DAG1: variants seen among roughly 807,000 people sequenced by gnomAD.
The protein encoded by DAG1 is dystroglycan 1 (dystrophin-associated glycoprotein 1).
In DAG1, 8 loss-of-function variants were observed where a neutral mutation model predicts 46.1. The ratio of observed to expected loss-of-function variants is 0.17; its 90% confidence interval spans 0.10 to 0.31. The LOEUF (loss-of-function observed/expected upper bound fraction) is 0.31. DAG1 is among the 10% of genes least tolerant of loss of function. DAG1 has a pLI of 1.00. For synonymous variants in DAG1, 495 were observed against 481.8 expected (o/e 1.03, Z -0.36); for missense variants, 1,003 against 1,189.9 (o/e 0.84, Z 2.31).
At chr3:49,470,206 G>A (rs1253958304), upstream of DAG1, 2 of 151,672 alleles carry the variant, frequency 1.3e-5, no homozygotes, top group Non-Finnish European at 2.9e-5. Context: ...TGCAACACTC[G>A]CGTGTCAGGC....
At chr3:49,488,829 C>G (rs898889498) in intron 1 of DAG1, 1 of 151,912 alleles carries the variant, frequency 6.6e-6, no homozygotes, top group Non-Finnish European at 1.5e-5. Flanking sequence ...GCCTTGAACT[C>G]CTGACCTTAT....
Position 49,532,708 on chromosome 3 carries a change from C to T in DAG1, c.2197C>T (p.Pro733Ser), listed in dbSNP as rs1257039785. Reference protein sequence around the residue: ...PPRRVPSEAPPTEVPDRDPEK... With the variant: ...PPRRVPSEAPSTEVPDRDPEK... ...CAGGAGAGTGCCCTCAGAGGCGCCG[C>T]CCACAGAAGTGCCTGACAGGGACCC... The change falls in exon 3 of 3, where the codon CCC (proline) becomes TCC (serine). Residue 733 changes from proline (P) to serine (S), a missense_variant. By Grantham distance (74) the Pro-to-Ser change is moderately conservative. Transcript: ENST00000308775. The surrounding 1 kb of genome is among the most constrained non-coding windows in gnomAD (Gnocchi z 5.4). 1 of 1,614,184 alleles carries T rather than the reference C, an allele frequency of 6.2e-7. No individual in the cohort carries two copies. Among genetic ancestry groups the T allele is most frequent in the Non-Finnish European group, 8.5e-7 (1 of 1,180,048 alleles).
Position 49,504,253 on chromosome 3 carries a change from C to T in DAG1, c.-116-6166C>T, listed in dbSNP as rs372364287. ...TGAAACTATATAGTATAGTATGTAA[C>T]CTTTTGGGGTTGGCTTTTTTTTTTC... On this transcript the variant is annotated intron_variant, in intron 1 of 2. Transcript: ENST00000308775. Among the ~76,000 whole-genome samples the T allele has an allele frequency of 1.3e-4, 18 of 134,804 alleles. No homozygotes were observed. The East Asian group carries it at 4.8e-3, about 36-fold the overall frequency. 88.4% of individuals were successfully genotyped at this position (134,804 alleles called of 152,430 possible).
In DAG1 at chr3:49,470,338, G is replaced by A. The variant is rs962203281; in HGVS notation, c.-212G>A. ...CCTCTTAGGCTTGGCGGTGGCGGCG[G>A]CGGCAGCTTCGCGCCGAATCCCCGG... On this transcript the variant is annotated 5_prime_UTR_variant, in exon 1 of 3. Coordinates refer to ENST00000308775, the MANE Select transcript of DAG1 (RefSeq NM_004393.6). The A allele has an allele frequency of 1.3e-5, 2 of 152,590 alleles. No homozygotes were observed. Among genetic ancestry groups the A allele is most frequent in the Non-Finnish European group, 2.9e-5 (2 of 68,442 alleles). 9.5% of individuals were successfully genotyped at this position (152,590 alleles called of 1,614,324 possible).
chr3:49,497,228 G>C (rs1211309453), intron 1 of DAG1, among the ~76,000 whole-genome samples: 1 of 151,978 alleles, frequency 6.6e-6, no homozygotes, highest in Non-Finnish European at 1.5e-5. Flanking sequence ...CCTGAGATCA[G>C]GAGTTCAAGA....
At chr3:49,505,954 G>A (rs2107592699) in intron 1 of DAG1, among the ~76,000 whole-genome samples, 1 of 148,324 alleles carries the variant, frequency 6.7e-6, no homozygotes, top group South Asian at 2.1e-4. Context: ...ACAGGCGTGA[G>A]CCACCACGCC....
At chr3:49,471,846 G>A (rs1348600371) in intron 1 of DAG1, among the ~76,000 whole-genome samples, 1 of 152,198 alleles carries the variant, frequency 6.6e-6, no homozygotes, top group African/African-American at 2.4e-5. Context: ...CAGTTTAGGG[G>A]GCAGTGGGGA....
intron 1 of DAG1, chr3:49,487,385 A>G (rs1464753077): frequency 1.3e-5 from 2 of 152,248 alleles, no homozygotes; most frequent in Non-Finnish European, 2.9e-5. Context: ...CCCTGTCTTC[A>G]GTAGGACAAC....
intron 1 of DAG1, among the ~76,000 whole-genome samples, chr3:49,486,497 CG>C (rs1341705442): frequency 6.6e-6 from 1 of 151,160 alleles, no homozygotes; most frequent in Admixed American, 6.6e-5. Flanking sequence ...GGATTACAGG[CG>C]TGAGCCACCG....
At chr3:49,519,800 C>T (rs1441471931) in intron 2 of DAG1, among the ~76,000 whole-genome samples, 1 of 152,084 alleles carries the variant, frequency 6.6e-6, no homozygotes, top group Non-Finnish European at 1.5e-5. Flanking sequence ...TGTCAGGGCT[C>T]CAGATTGAAG....
chr3:49,485,088 G>T (rs1190829819), intron 1 of DAG1, among the ~76,000 whole-genome samples: 9 of 151,482 alleles, frequency 5.9e-5, no homozygotes, highest in Admixed American at 5.9e-4. Flanking sequence ...CCGGGTTCAT[G>T]CCATTCTCCT....
At chr3:49,477,835 G>C (rs1330032115) in intron 1 of DAG1, among the ~76,000 whole-genome samples, 3 of 151,772 alleles carry the variant, frequency 2.0e-5, no homozygotes, top group Non-Finnish European at 4.4e-5. Flanking sequence ...GGTGGCAGGT[G>C]CCTGTAATCC....
At chr3:49,479,973 T>C (rs1203012150) in intron 1 of DAG1, among the ~76,000 whole-genome samples, 13 of 110,084 alleles carry the variant, frequency 1.2e-4, no homozygotes, top group African/African-American at 1.0e-4. Context: ...TTTTTGAGAC[T>C]GAGTCTCGCT....
At chr3:49,501,382 C>T (rs1464781539) in intron 1 of DAG1, among the ~76,000 whole-genome samples, 1 of 152,168 alleles carries the variant, frequency 6.6e-6, no homozygotes, top group African/African-American at 2.4e-5. Flanking sequence ...CCCATTCATT[C>T]ATTAGGTGTA....
In DAG1 at chr3:49,531,738, C is replaced by T. The variant is rs2051353530; in HGVS notation, c.1227C>T (p.Gly409=). Residue 409 remains glycine, a synonymous_variant, in exon 3 of 3, where the codon GGC becomes GGT. Transcript: ENST00000308775. This position sits in a 1 kb window ranked among gnomAD's most constrained non-coding sequence, Gnocchi z 7.0. ...TTCGCCCAACGATGACCATTCCTGG[C>T]TATGTGGAGCCTACTGCAGTTGCTA... is the stretch of plus-strand genomic sequence containing the variant. ...GQIRPTMTIP[G]YVEPTAVATP... is the part of the protein sequence containing the mutation. The T allele has an allele frequency of 1.2e-6, 2 of 1,613,984 alleles. No individual in the cohort carries two copies. Among genetic ancestry groups the T allele is most frequent in the South Asian group, 1.1e-5 (1 of 91,064 alleles).
At chr3:49,509,726 AATATTTT>A (rs972763762) in intron 1 of DAG1, among the ~76,000 whole-genome samples, 2 of 149,908 alleles carry the variant, frequency 1.3e-5, no homozygotes, top group African/African-American at 4.9e-5. Context: ...TATTTTACTT[AATATTTT>A]ATTGTTTTTT....
At chr3:49,479,797 C>T (rs1269750760) in intron 1 of DAG1, among the ~76,000 whole-genome samples, 1 of 148,374 alleles carries the variant, frequency 6.7e-6, no homozygotes, top group Non-Finnish European at 1.5e-5. Context: ...ACCACCACAC[C>T]CGGCTAATTT....
At chr3:49,487,053 A>G (rs1015966502) in intron 1 of DAG1, among the ~76,000 whole-genome samples, 1 of 151,676 alleles carries the variant, frequency 6.6e-6, no homozygotes, top group Admixed American at 6.6e-5. Flanking sequence ...TGCCTGGCTA[A>G]TTTTTGTATT....
chr3:49,501,553 T>G (rs1293298931), intron 1 of DAG1, among the ~76,000 whole-genome samples: 1 of 152,218 alleles, frequency 6.6e-6, no homozygotes, highest in Non-Finnish European at 1.5e-5. Flanking sequence ...GGCTCATACC[T>G]GTAATCCCAG....
Sources: allele counts gnomAD v4.1 joint callset (sites outside exome capture counted in the v4.1 genomes callset), GRCh38; gene constraint gnomAD v4.1.1; non-coding constraint Gnocchi (gnomAD v3.1); transcripts MANE v1.5; gene names NCBI Gene and HGNC (gene_info 2026-07-23, HGNC 2026-07-21).